Variants in KCNIP4 observed in about 807,000 individuals in gnomAD.
KCNIP4 encodes the protein potassium voltage-gated channel interacting protein 4, also known as Kv channel-interacting protein 4.
KCNIP4 carries 12 observed loss-of-function variants against 34.0 expected under a neutral mutation model. The ratio of observed to expected loss-of-function variants is 0.35; its 90% CI spans 0.23 to 0.57. The LOEUF (loss-of-function observed/expected upper bound fraction) is 0.57, where lower values mean the gene tolerates loss of function less well. Among genes scored for constraint, KCNIP4 ranks in the 20% least tolerant of loss-of-function variants. The pLI, the probability that KCNIP4 is intolerant of heterozygous loss-of-function variation, is 0.83. For synonymous variants in KCNIP4, 124 were observed against 102.2 expected, an observed-to-expected ratio of 1.21 and a Z score of -1.29; for missense variants, 238 against 311.7, an observed-to-expected ratio of 0.76 and a Z score of 1.78.
chr4:21,450,058 T>C (rs1296617849), intron 1 of KCNIP4, among the ~76,000 whole-genome samples: 1 of 152,144 alleles, frequency 6.6e-6, no homozygotes, highest in Admixed American at 6.6e-5. Context: ...GGGAAAACAG[T>C]AGTTGAACTT....
intron 1 of KCNIP4, among the ~76,000 whole-genome samples, chr4:20,884,663 G>A (rs1577313468): frequency 1.4e-5 from 2 of 147,764 alleles, no homozygotes; most frequent in South Asian, 4.3e-4. Flanking sequence ...CCTCAGTTTT[G>A]TCAGCTGTTC....
At chr4:21,776,928 A>G (rs1442365442) in intron 1 of KCNIP4, among the ~76,000 whole-genome samples, 1 of 152,008 alleles carries the variant, frequency 6.6e-6, no homozygotes, top group Non-Finnish European at 1.5e-5. Flanking sequence ...ACACCTGGCT[A>G]ATTTTTATAT....
chr4:21,020,351 G>A (rs145238230), intron 1 of KCNIP4, among the ~76,000 whole-genome samples: 182 of 152,222 alleles, frequency 1.2e-3, no homozygotes, highest in African/African-American at 4.3e-3. Flanking sequence ...ATCTAAGGCT[G>A]CTCCCCATTC....
chr4:20,933,457 T>C (rs1577389559), intron 1 of KCNIP4, among the ~76,000 whole-genome samples: 2 of 152,294 alleles, frequency 1.3e-5, no homozygotes, highest in East Asian at 1.9e-4. Flanking sequence ...GAGTAGCACC[T>C]AAATCTACCA....
chr4:21,701,249 T>A (rs1407184710), intron 1 of KCNIP4, among the ~76,000 whole-genome samples: 3 of 152,050 alleles, frequency 2.0e-5, no homozygotes, highest in East Asian at 3.9e-4. Flanking sequence ...TACCAGAGGA[T>A]GAGAGGGAAG....
intron 4 of KCNIP4, among the ~76,000 whole-genome samples, chr4:20,751,018 C>G (rs1753521450): frequency 6.6e-6 from 1 of 152,186 alleles, no homozygotes; most frequent in Non-Finnish European, 1.5e-5. Flanking sequence ...TCTCTCCTGG[C>G]TCTCAGGGCT....
intron 1 of KCNIP4, among the ~76,000 whole-genome samples, chr4:21,112,284 G>A (rs1347246667): frequency 6.6e-6 from 1 of 152,128 alleles, no homozygotes; most frequent in Admixed American, 6.6e-5. Flanking sequence ...AACCATTTCT[G>A]AAATTTCTGC....
chr4:21,714,597 C>T (rs2109081733), intron 1 of KCNIP4, among the ~76,000 whole-genome samples: 1 of 151,910 alleles, frequency 6.6e-6, no homozygotes, highest in South Asian at 2.1e-4. Context: ...GAGAATATGA[C>T]TTGGTAGCTT....
At chr4:21,218,518 A>G (rs747205815) in intron 1 of KCNIP4, among the ~76,000 whole-genome samples, 2 of 152,218 alleles carry the variant, frequency 1.3e-5, no homozygotes, top group Non-Finnish European at 2.9e-5. Context: ...TTTCATATGA[A>G]TGAATGAGTA....
intron 1 of KCNIP4, among the ~76,000 whole-genome samples, chr4:21,109,597 C>T (rs923512936): frequency 7.9e-5 from 12 of 152,212 alleles, no homozygotes; most frequent in East Asian, 1.9e-4. Context: ...GCGCATGGTG[C>T]GCTGCACCCA....
rs549821254 is a variant in KCNIP4, at chr4:21,553,824, G to A, written c.61+394747C>T. Among the ~76,000 whole-genome samples, 4 of 152,088 alleles carry A rather than the reference G, an allele frequency of 2.6e-5. No homozygotes were observed. In the South Asian group the frequency reaches 8.3e-4, roughly 32 times the overall value. On this transcript the variant is annotated intron_variant, in intron 1 of 8. Coordinates refer to ENST00000382152, the MANE Select transcript of KCNIP4 (RefSeq NM_025221.6). Reference sequence around the variant, plus strand: ...GTTCTCCACCTTTCCCTTCTTTAATGGAGACACTGGTCACTAGATTTAGGA... The same window carrying A: ...GTTCTCCACCTTTCCCTTCTTTAATAGAGACACTGGTCACTAGATTTAGGA...
intron 1 of KCNIP4, among the ~76,000 whole-genome samples, chr4:21,862,066 T>G (rs1725108061): frequency 6.6e-6 from 1 of 152,118 alleles, no homozygotes; most frequent in African/African-American, 2.4e-5. Flanking sequence ...CTCTGAAGTC[T>G]CCTCCCCAAG....
At chr4:21,844,891 A>G (rs1489375978) in intron 1 of KCNIP4, 1 of 151,906 alleles carries the variant, frequency 6.6e-6, no homozygotes, top group African/African-American at 2.4e-5. Flanking sequence ...TAATTTTTCC[A>G]TTGAGAAAAC....
intron 3 of KCNIP4, among the ~76,000 whole-genome samples, chr4:20,833,417 G>A (rs1043343589): frequency 9.2e-5 from 14 of 152,068 alleles, no homozygotes; most frequent in African/African-American, 2.9e-4. Context: ...CCCGGGAGGC[G>A]GAGATTGCAG....
chr4:21,099,802 G>C (rs1302742241), intron 1 of KCNIP4, among the ~76,000 whole-genome samples: 2 of 152,184 alleles, frequency 1.3e-5, no homozygotes. Flanking sequence ...AACACTAATT[G>C]GAGTTTGGAA....
intron 6 of KCNIP4, among the ~76,000 whole-genome samples, chr4:20,733,813 G>T (rs936103509): frequency 6.6e-6 from 1 of 152,118 alleles, no homozygotes; most frequent in Non-Finnish European, 1.5e-5. Context: ...CTGGCCCCAG[G>T]TGTCCTCTGT....
chr4:20,736,412 T>C (rs1749643078), intron 5 of KCNIP4, among the ~76,000 whole-genome samples: 1 of 152,224 alleles, frequency 6.6e-6, no homozygotes, highest in African/African-American at 2.4e-5. Flanking sequence ...TTCTATCATA[T>C]ATTCTAAACT....
chr4:21,065,191 T>C (rs1438960956), intron 1 of KCNIP4, among the ~76,000 whole-genome samples: 4 of 152,164 alleles, frequency 2.6e-5, no homozygotes. Flanking sequence ...GGGTGTTCTA[T>C]GACACGCTGA....
chr4:20,902,894 C>T (rs944872946), intron 1 of KCNIP4, among the ~76,000 whole-genome samples: 9 of 152,232 alleles, frequency 5.9e-5, no homozygotes, highest in South Asian at 4.1e-4. Context: ...GTAGTGGCAA[C>T]GTGAAGATCC....
Sources: allele counts gnomAD v4.1 joint callset (sites outside exome capture counted in the v4.1 genomes callset), GRCh38; gene constraint gnomAD v4.1.1; transcripts MANE v1.5; gene names NCBI Gene and HGNC (gene_info 2026-07-23, HGNC 2026-07-21).